The following ADAM12 variants were observed in gnomAD, a reference collection of about 807,000 sequenced individuals.
The protein encoded by ADAM12 is disintegrin and metalloproteinase domain-containing protein 12.
Under a neutral mutation model 106.4 loss-of-function variants are expected in ADAM12, and 70 were observed. The ratio of observed to expected loss-of-function variants is 0.66; its 90% CI spans 0.54 to 0.80. The LOEUF is 0.80. Ranked by LOEUF, ADAM12 falls within the 30% of genes least tolerant of loss-of-function variation. The pLI is 0.00. For missense variants in ADAM12, 1,010 were observed against 1,171.9 expected (o/e 0.86, Z 2.02); for synonymous variants, 420 against 433.5 (o/e 0.97, Z 0.39).
intron 20 of ADAM12, among the ~76,000 whole-genome samples, chr10:126,037,819 T>G (rs542879909): frequency 6.6e-6 from 1 of 152,230 alleles, no homozygotes; most frequent in Non-Finnish European, 1.5e-5. Flanking sequence ...TGAAAAATAT[T>G]TTAAGAGTAA....
rs758347626 is a variant in ADAM12 at position 126,049,576 on chromosome 10, G to A, written c.1703C>T (p.Ala568Val). 1.9e-6 allele frequency: 3 copies of A among 1,614,146 alleles called. No individual in the cohort carries two copies. Among genetic ancestry groups the A allele is most frequent in the Admixed American group, 1.7e-5 (1 of 60,020 alleles). The stretch of plus-strand genomic sequence containing the variant: ...GATTCCATACCTCATCTCGCATTTG[G>A]CAAAGGAACTCTTCGAGACTTTGCC... ...NCGKVSKSSF[A>V]KCEMRDAKCG... is the part of the protein sequence containing the mutation. The change falls in exon 15 of 23, where the codon GCC becomes GTC. Residue 568 changes from alanine (A) to valine (V), a missense_variant. Transcript: ENST00000448723. The surrounding 1 kb of genome is among the most constrained non-coding windows in gnomAD (Gnocchi z 4.4).
intron 4 of ADAM12, among the ~76,000 whole-genome samples, chr10:126,146,556 C>T (rs1041993055): frequency 3.9e-5 from 6 of 152,126 alleles, no homozygotes; most frequent in Admixed American, 6.5e-5. Flanking sequence ...TATCACCAGA[C>T]CCCCAGCTGA....
intron 21 of ADAM12, among the ~76,000 whole-genome samples, chr10:126,021,864 AAGCACCAT>A (rs1470215115): frequency 6.6e-6 from 1 of 152,190 alleles, no homozygotes; most frequent in Admixed American, 6.5e-5. Flanking sequence ...TACCACCAAA[AAGCACCAT>A]AACCCTACCA....
intron 3 of ADAM12, among the ~76,000 whole-genome samples, chr10:126,274,054 C>T (rs1313834994): frequency 1.3e-5 from 2 of 152,162 alleles, no homozygotes; most frequent in Non-Finnish European, 2.9e-5. Context: ...CCCAAGTGAC[C>T]TTCGACCTCC....
chr10:126,091,106 G>GTGA (rs1220611533), intron 11 of ADAM12: 1 of 152,104 alleles, frequency 6.6e-6, no homozygotes, highest in Non-Finnish European at 1.5e-5. Context: ...TGACTGCTAA[G>GTGA]GGCACTGGGA....
intron 18 of ADAM12, chr10:126,042,309 G>A (rs929784504): frequency 4.3e-5 from 67 of 1,566,462 alleles, no homozygotes; most frequent in Middle Eastern, 1.7e-4. Context: ...AAACAGCACC[G>A]CACCAGTAAA....
chr10:126,028,962 T>G lies in ADAM12; in HGVS notation c.2529+7184A>C, dbSNP rs914127290. On this transcript the variant is annotated intron_variant, in intron 21 of 22. Transcript: ENST00000448723. ...GGCAAAAGACATGAACAGACACTTCTCAAAAGAAGACATTCATGGAGCCAA... is the reference window on the plus strand; with the variant it reads ...GGCAAAAGACATGAACAGACACTTCGCAAAAGAAGACATTCATGGAGCCAA... 2.0e-5 allele frequency among the ~76,000 whole-genome samples: 3 copies of G among 152,080 alleles called. No homozygotes were observed. The East Asian group carries it at 5.8e-4, about 29-fold the overall frequency.
At chr10:126,131,032 T>C (rs751674383) in intron 5 of ADAM12, among the ~76,000 whole-genome samples, 1 of 151,744 alleles carries the variant, frequency 6.6e-6, no homozygotes, top group Non-Finnish European at 1.5e-5. Flanking sequence ...TTTTGATAAT[T>C]GGGAATTTCT....
intron 16 of ADAM12, among the ~76,000 whole-genome samples, chr10:126,046,366 C>T (rs1334840476): frequency 6.6e-6 from 1 of 152,198 alleles, no homozygotes; most frequent in Non-Finnish European, 1.5e-5. Flanking sequence ...TCAATGTCAA[C>T]ACTATTAAAT....
intron 11 of ADAM12, among the ~76,000 whole-genome samples, chr10:126,082,515 C>G (rs958014628): frequency 1.1e-4 from 17 of 152,004 alleles, no homozygotes; most frequent in African/African-American, 3.9e-4. Flanking sequence ...ATTACAGGTG[C>G]ACACCACCAT....
intron 3 of ADAM12, among the ~76,000 whole-genome samples, chr10:126,190,509 A>G (rs1317284740): frequency 6.6e-5 from 10 of 151,902 alleles, no homozygotes; most frequent in Admixed American, 3.9e-4. Context: ...CCCGGCCCCA[A>G]TTCATTCATT....
chr10:126,258,625 TA>T (rs1052516358), intron 3 of ADAM12, among the ~76,000 whole-genome samples: 13 of 151,772 alleles, frequency 8.6e-5, no homozygotes, highest in African/African-American at 2.7e-4. Flanking sequence ...CTCCCTTTTT[TA>T]TTACTCTCTC....
At chr10:126,234,746 C>A (rs1216956975) in intron 3 of ADAM12, among the ~76,000 whole-genome samples, 11 of 152,184 alleles carry the variant, frequency 7.2e-5, no homozygotes, top group Admixed American at 7.2e-4. Flanking sequence ...TGGTGCTGAG[C>A]CAGTGATCCG....
Position 126,321,911 on chromosome 10 carries a change from G to C in ADAM12, c.186+8501C>G, listed in dbSNP as rs534982142. The stretch of plus-strand genomic sequence containing the variant: ...TAACTTTCTACCTGGGGGTCGGGGG[G>C]GGGGCTTCAGCAACCTCATGTGCAC... On this transcript the variant is annotated intron_variant, in intron 2 of 22. Transcript: ENST00000448723. Among the ~76,000 whole-genome samples the C allele has an allele frequency of 2.9e-3, 404 of 141,154 alleles. 4 individuals carry two copies. Among genetic ancestry groups the C allele is most frequent in the African/African-American group, 9.2e-3 (363 of 39,552 alleles). 92.6% of individuals were successfully genotyped at this position (141,154 alleles called of 152,430 possible).
chr10:126,152,191 T>C (rs1956739928), intron 4 of ADAM12, among the ~76,000 whole-genome samples: 1 of 152,038 alleles, frequency 6.6e-6, no homozygotes, highest in Non-Finnish European at 1.5e-5. Context: ...TGAGGAAAAA[T>C]TGTAAAATGC....
At chr10:126,387,986 CGG>C in intron 1 of ADAM12, 70 bp downstream of exon 1, 1 of 1,183,944 alleles carries the variant, frequency 8.4e-7, no homozygotes, top group Non-Finnish European at 1.0e-6. Flanking sequence ...CCCTGGACCT[CGG>C]CGCGCCCAGG....
In ADAM12 at chr10:126,360,318, A is replaced by C. The variant is rs192927472; in HGVS notation, c.88+27740T>G. 4.6e-5 allele frequency among the ~76,000 whole-genome samples: 7 copies of C among 152,316 alleles called. No individual in the cohort carries two copies. In the East Asian group the frequency reaches 1.3e-3, roughly 29 times the overall value. On this transcript the variant is annotated intron_variant, in intron 1 of 22. Coordinates refer to ENST00000448723, the MANE Select transcript of ADAM12 (RefSeq NM_001288973.2). ...GCAGCTGGCTTGAATTTCTCCTCAG[A>C]AAATGGGATTTTCTTATCTATTGCA...
intron 3 of ADAM12, among the ~76,000 whole-genome samples, chr10:126,273,836 T>A (rs749202434): frequency 1.3e-5 from 2 of 152,188 alleles, no homozygotes; most frequent in Admixed American, 1.3e-4. Context: ...TGAGCTATAA[T>A]CTTCCTGCAT....
chr10:126,359,854 G>A (rs187957462), intron 1 of ADAM12, among the ~76,000 whole-genome samples: 8 of 152,260 alleles, frequency 5.3e-5, no homozygotes, highest in East Asian at 1.9e-4. Context: ...TTTCCCTTTC[G>A]CACTGCCCTA....
Sources: gnomAD v4.1 joint callset for allele counts (sites outside exome capture counted in the v4.1 genomes callset) on GRCh38, gnomAD v4.1.1 for gene constraint, Gnocchi (gnomAD v3.1) non-coding constraint, MANE v1.5 for transcripts, NCBI Gene and HGNC (gene_info 2026-07-23, HGNC 2026-07-21) for gene names.